The following ADAMTS12 variants were observed in gnomAD, a reference collection of about 807,000 sequenced individuals.
The protein encoded by ADAMTS12 is A disintegrin and metalloproteinase with thrombospondin motifs 12.
Under a neutral mutation model 167.8 loss-of-function variants are expected in ADAMTS12, and 118 were observed. The observed-to-expected ratio is 0.70, with a 90% CI of 0.61 to 0.82. The LOEUF is 0.82. ADAMTS12 is among the 40% of genes least tolerant of loss of function. The pLI, the probability that ADAMTS12 is intolerant of heterozygous loss-of-function variation, is 0.00. For missense variants in ADAMTS12, 1,916 were observed against 1,998.8 expected, an observed-to-expected ratio of 0.96 and a Z score of 0.79; for synonymous variants, 704 against 716.9, an observed-to-expected ratio of 0.98 and a Z score of 0.29.
At position 33,684,047 on chromosome 5, in the gene ADAMTS12, T is replaced by C; in HGVS notation, c.643A>G (p.Asn215Asp). The C allele has an allele frequency of 2.5e-6, 4 of 1,589,470 alleles. No homozygotes were observed. Among genetic ancestry groups the C allele is most frequent in the Non-Finnish European group, 3.4e-6 (4 of 1,168,230 alleles). Reference protein sequence around the residue: ...EPTCGLKDSVNISQKQELWRE... With the variant: ...EPTCGLKDSVDISQKQELWRE... The stretch of plus-strand genomic sequence containing the variant: ...CATAGCTCTTGCTTCTGGGAGATGT[T>C]AACACTGTCTAAACAGTAAACAGAA... Residue 215 changes from asparagine (N) to aspartate (D), a missense_variant, in exon 4 of 24, where the codon AAC (asparagine) becomes GAC (aspartate). Transcript: ENST00000504830.
intron 2 of ADAMTS12, among the ~76,000 whole-genome samples, chr5:33,775,372 G>T (rs766522781): frequency 2.0e-5 from 3 of 152,148 alleles, no homozygotes; most frequent in Non-Finnish European, 4.4e-5. Flanking sequence ...CAGAAGAGAG[G>T]AAAGGAAGTT....
chr5:33,854,570 G>C (rs1749334559), intron 2 of ADAMTS12, among the ~76,000 whole-genome samples: 1 of 152,144 alleles, frequency 6.6e-6, no homozygotes, highest in Non-Finnish European at 1.5e-5. Context: ...GCTGATTCAA[G>C]ACCCAGCAGA....
intron 2 of ADAMTS12, among the ~76,000 whole-genome samples, chr5:33,764,107 G>A (rs971223463): frequency 6.6e-6 from 1 of 152,206 alleles, no homozygotes; most frequent in Non-Finnish European, 1.5e-5. Context: ...CAAGGGCTCT[G>A]TTTTCAGCTG....
At chr5:33,808,234 G>A (rs1747315830) in intron 2 of ADAMTS12, among the ~76,000 whole-genome samples, 1 of 152,160 alleles carries the variant, frequency 6.6e-6, no homozygotes, top group Non-Finnish European at 1.5e-5. Flanking sequence ...AGCAGGGCCT[G>A]GGAAAAGCTA....
intron 2 of ADAMTS12, among the ~76,000 whole-genome samples, chr5:33,825,884 A>T (rs918731337): frequency 6.6e-6 from 1 of 152,152 alleles, no homozygotes; most frequent in African/African-American, 2.4e-5. Context: ...TCAGTTATGT[A>T]ACCAGAAGAG....
At chr5:33,840,672 T>C (rs1748716297) in intron 2 of ADAMTS12, among the ~76,000 whole-genome samples, 2 of 152,248 alleles carry the variant, frequency 1.3e-5, no homozygotes, top group South Asian at 2.1e-4. Flanking sequence ...TTCAGCTCTA[T>C]GCCCAAGGCC....
chr5:33,536,391 G>A (rs1744406727), intron 22 of ADAMTS12, among the ~76,000 whole-genome samples: 1 of 152,172 alleles, frequency 6.6e-6, no homozygotes, highest in African/African-American at 2.4e-5. Flanking sequence ...TGGCAAGGGG[G>A]AGCTAAAGAT....
At chr5:33,558,598 C>G (rs1745592179) in intron 20 of ADAMTS12, among the ~76,000 whole-genome samples, 1 of 152,222 alleles carries the variant, frequency 6.6e-6, no homozygotes, top group Admixed American at 6.5e-5. Context: ...CAGAGATGAG[C>G]TTGCTAATCT....
chr5:33,677,730 T>C (rs915948922), intron 5 of ADAMTS12, among the ~76,000 whole-genome samples: 5 of 151,750 alleles, frequency 3.3e-5, no homozygotes, highest in Admixed American at 3.3e-4. Context: ...ACTCACTGTC[T>C]GTTTTCTTGG....
rs192561190 is a variant in ADAMTS12 at position 33,575,576 on chromosome 5, A to G, written c.3972+478T>C. Among the ~76,000 whole-genome samples, 87 of 152,222 alleles carry G rather than the reference A, an allele frequency of 5.7e-4. 2 individuals are homozygous for G. In the East Asian group the frequency reaches 0.016, roughly 29 times the overall value. On this transcript the variant is annotated intron_variant, in intron 19 of 23. Transcript: ENST00000504830. The stretch of plus-strand genomic sequence containing the variant: ...TATAAATTTTTAGCTTCCCTTTCCA[A>G]TGACATTTTAAGTCAACCACCAAAC...
At position 33,562,603 on chromosome 5, in the gene ADAMTS12, T is replaced by C. The variant is rs966830691; in HGVS notation, c.3973-1424A>G. Among the ~76,000 whole-genome samples, 5 of 152,008 alleles carry C rather than the reference T, an allele frequency of 3.3e-5. No individual in the cohort carries two copies. In the East Asian group the frequency reaches 9.7e-4, roughly 29 times the overall value. On this transcript the variant is annotated intron_variant, in intron 19 of 23. Coordinates refer to ENST00000504830, the MANE Select transcript of ADAMTS12 (RefSeq NM_030955.4). ...GCTGTACATAAAGACCAGACTTAAG[T>C]TTCTCTTGCTGTAACTTCACTCTCC...
intron 2 of ADAMTS12, among the ~76,000 whole-genome samples, chr5:33,849,970 G>A (rs1278921319): frequency 6.6e-6 from 1 of 152,034 alleles, no homozygotes; most frequent in African/African-American, 2.4e-5. Context: ...GCAGGTGGGA[G>A]ATGTATTTTA....
chr5:33,774,868 A>G (rs539757001), intron 2 of ADAMTS12, among the ~76,000 whole-genome samples: 2 of 152,274 alleles, frequency 1.3e-5, no homozygotes, highest in African/African-American at 4.8e-5. Context: ...AGTTTCCACT[A>G]TTGAGAACAC....
In ADAMTS12 at chr5:33,525,786, A is replaced by AT. The variant is rs1210194298; in HGVS notation, c.*1401dup. On this transcript the variant is annotated 3_prime_UTR_variant, in exon 24 of 24. Coordinates refer to ENST00000504830, the MANE Select transcript of ADAMTS12 (RefSeq NM_030955.4). ...TTCTCCCTGTCAAGAATTGGTTCTG[A>AT]TATCTTCTTTCATTTGAAGCTTATG... 6 of 152,178 alleles carry AT rather than the reference A, an allele frequency of 3.9e-5. No individual in the cohort carries two copies. Among genetic ancestry groups the AT allele is most frequent in the Non-Finnish European group, 8.8e-5 (6 of 68,030 alleles). 9.4% of individuals were successfully genotyped at this position (152,178 alleles called of 1,614,324 possible). A position where few individuals can be genotyped will look rare whatever the true frequency, so the allele number is the denominator to read the frequency against.
intron 20 of ADAMTS12, among the ~76,000 whole-genome samples, chr5:33,551,246 C>G (rs1392295457): frequency 6.6e-6 from 1 of 152,132 alleles, no homozygotes; most frequent in African/African-American, 2.4e-5. Context: ...ACCAAGTCAC[C>G]TGACTTCAAA....
At chr5:33,535,128 A>C (rs1744318429) in intron 22 of ADAMTS12, 136 bp from the exon 23 acceptor site, 1 of 826,018 alleles carries the variant, frequency 1.2e-6, no homozygotes, top group East Asian at 2.8e-5. Flanking sequence ...GAGGAGTCAT[A>C]GAATAAAGGC....
intron 1 of ADAMTS12, among the ~76,000 whole-genome samples, chr5:33,888,464 C>T (rs1458904347): frequency 6.6e-6 from 1 of 152,146 alleles, no homozygotes; most frequent in Admixed American, 6.5e-5. Context: ...ATAATCAACA[C>T]AAAATATCAA....
At chr5:33,685,254 G>T (rs11739910) in intron 3 of ADAMTS12, among the ~76,000 whole-genome samples, 1 of 152,096 alleles carries the variant, frequency 6.6e-6, no homozygotes, top group East Asian at 1.9e-4. Flanking sequence ...CTTCCAGCAG[G>T]AGGAAGGGAC....
chr5:33,781,262 TA>T, intron 2 of ADAMTS12, among the ~76,000 whole-genome samples: 1 of 136,762 alleles, frequency 7.3e-6, no homozygotes, highest in Non-Finnish European at 1.5e-5. Context: ...TGTGTGTGTA[TA>T]TATATATATG....
Sources: allele counts gnomAD v4.1 joint callset (sites outside exome capture counted in the v4.1 genomes callset), GRCh38; gene constraint gnomAD v4.1.1; transcripts MANE v1.5; gene names NCBI Gene and HGNC (gene_info 2026-07-23, HGNC 2026-07-21).